The following PRORP variants were observed in gnomAD, a reference collection of about 807,000 sequenced individuals.
The protein encoded by PRORP is mitochondrial ribonuclease P catalytic subunit.
PRORP carries 51 observed loss-of-function variants against 59.4 expected under a neutral mutation model. That is an observed-to-expected ratio of 0.86 (90% confidence interval 0.69 to 1.08). The LOEUF (loss-of-function observed/expected upper bound fraction) is 1.08. PRORP is among the 50% of genes least tolerant of loss of function. The pLI, the probability that PRORP is intolerant of heterozygous loss-of-function variation, is 0.00. For missense variants in PRORP, 646 were observed against 690.3 expected, an observed-to-expected ratio of 0.94 and a Z score of 0.72; for synonymous variants, 231 against 245.6, an observed-to-expected ratio of 0.94 and a Z score of 0.55.
Position 35,259,545 on chromosome 14 carries a change from T to G in PRORP, c.1276-7182T>G, listed in dbSNP as rs536208535. Among the ~76,000 whole-genome samples the G allele has an allele frequency of 2.6e-5, 4 of 152,352 alleles. No homozygotes were observed. The East Asian group carries it at 7.7e-4, about 29-fold the overall frequency. The stretch of plus-strand genomic sequence containing the variant: ...CTTTTCCTCCCTTCCTATGGACTAT[T>G]GAACTTTTTTAGAATTCCGTTTTTA... On this transcript the variant is annotated intron_variant, in intron 5 of 7. Coordinates refer to ENST00000534898, the MANE Select transcript of PRORP (RefSeq NM_014672.4).
intron 4 of PRORP, among the ~76,000 whole-genome samples, chr14:35,144,979 G>A (rs2047569853): frequency 6.9e-6 from 1 of 145,080 alleles, no homozygotes; most frequent in Admixed American, 7.2e-5. Context: ...TTCTTTTTTA[G>A]TTCTTTTGTT....
chr14:35,244,332 A>G (rs2050432993), intron 5 of PRORP, among the ~76,000 whole-genome samples: 1 of 152,246 alleles, frequency 6.6e-6, no homozygotes, highest in South Asian at 2.1e-4. Context: ...GGTGTTACAT[A>G]CATAATATGA....
rs764247234 is a variant in PRORP at position 35,123,655 on chromosome 14, A to C, written c.410A>C (p.Lys137Thr). ...LKEDLKENTGKTSFESWIISQ... is the reference protein window; with the variant it reads ...LKEDLKENTGTTSFESWIISQ... ...GAAGATTTAAAAGAAAACACCGGAA[A>C]GACCAGTTTCGAAAGTTGGATCATT... Residue 137 changes from lysine to threonine, a missense_variant, in exon 2 of 8, where the codon AAG (lysine) becomes ACG (threonine). By Grantham distance (78) the Lys-to-Thr change is moderately conservative. Transcript: ENST00000534898. 6.2e-7 allele frequency: 1 copy of C among 1,614,230 alleles called. No homozygotes were observed. The highest frequency in any genetic ancestry group is 1.1e-5 in the South Asian group (1 of 91,092).
rs1661493738 is a variant in PRORP, at chr14:35,138,632, A to G, written c.1167+11021A>G. Among the ~76,000 whole-genome samples, 2 of 145,288 alleles carry G rather than the reference A, an allele frequency of 1.4e-5. 1 individual carries two copies. Among genetic ancestry groups the G allele is most frequent in the East Asian group, 4.6e-4 (2 of 4,336 alleles). On this transcript the variant is annotated intron_variant, in intron 4 of 7. Coordinates refer to ENST00000534898, the MANE Select transcript of PRORP (RefSeq NM_014672.4). ...ATAAACACCTAAAATGAGCATTATAAAAGTTATTTTAGGCTTATATGTTTT... is the reference window on the plus strand; with the variant it reads ...ATAAACACCTAAAATGAGCATTATAGAAGTTATTTTAGGCTTATATGTTTT...
At chr14:35,222,521 T>G (rs2049814614) in intron 5 of PRORP, 1 of 152,256 alleles carries the variant, frequency 6.6e-6, no homozygotes, top group Non-Finnish European at 1.5e-5. Context: ...CCAATTTCTA[T>G]AAATCATCTG....
At chr14:35,259,728 T>C (rs1317548591) in intron 5 of PRORP, among the ~76,000 whole-genome samples, 2 of 151,860 alleles carry the variant, frequency 1.3e-5, no homozygotes, top group Non-Finnish European at 2.9e-5. Flanking sequence ...CGGGCTTTAC[T>C]AAAAATACAA....
intron 4 of PRORP, among the ~76,000 whole-genome samples, chr14:35,173,440 C>A (rs1039708264): frequency 2.0e-5 from 3 of 152,148 alleles, no homozygotes; most frequent in Non-Finnish European, 4.4e-5. Flanking sequence ...TCACCTGTTG[C>A]TTTTTTGCTG....
intron 5 of PRORP, among the ~76,000 whole-genome samples, chr14:35,245,954 A>G (rs907384091): frequency 6.6e-6 from 1 of 152,126 alleles, no homozygotes; most frequent in Non-Finnish European, 1.5e-5. Flanking sequence ...ATGCCTTTAT[A>G]TTATTCTTAC....
intron 4 of PRORP, among the ~76,000 whole-genome samples, chr14:35,174,668 A>G (rs2048398949): frequency 6.6e-6 from 1 of 151,818 alleles, no homozygotes; most frequent in Non-Finnish European, 1.5e-5. Context: ...GTACTGGTAG[A>G]GTGGCATACC....
Position 35,259,990 on chromosome 14 carries a change from C to CG in PRORP, c.1276-6734dup, listed in dbSNP as rs915784796. Among the ~76,000 whole-genome samples, 5 of 103,484 alleles carry CG rather than the reference C, an allele frequency of 4.8e-5. No homozygotes were observed. In the Admixed American group the frequency reaches 5.7e-4, roughly 12 times the overall value. The allele number at this position is 103,484 out of a possible 152,430, so 67.9% of individuals were successfully genotyped here. A position where few individuals can be genotyped will look rare whatever the true frequency, so the allele number is the denominator to read the frequency against. ...CACTGCAGGTGTTTTGGAGGTTTTT[C>CG]GGGTTTTTTTTTTTTTTTTTTTTTT... On this transcript the variant is annotated intron_variant, in intron 5 of 7. Transcript: ENST00000534898.
At chr14:35,249,586 A>C (rs752342869) in intron 5 of PRORP, among the ~76,000 whole-genome samples, 52 of 152,270 alleles carry the variant, frequency 3.4e-4, no homozygotes, top group Non-Finnish European at 6.5e-4. Flanking sequence ...AGGACCAAAA[A>C]AAATGAAATT....
At chr14:35,243,413 G>C (rs1186807511) in intron 5 of PRORP, among the ~76,000 whole-genome samples, 1 of 152,042 alleles carries the variant, frequency 6.6e-6, no homozygotes, top group South Asian at 2.1e-4. Context: ...GTGCGCCCCA[G>C]TGGTCCCACC....
intron 7 of PRORP, among the ~76,000 whole-genome samples, chr14:35,273,003 G>A (rs1324745596): frequency 6.6e-6 from 1 of 152,160 alleles, no homozygotes; most frequent in African/African-American, 2.4e-5. Context: ...AAAAAAGTCT[G>A]TACATGTTCA....
intron 4 of PRORP, among the ~76,000 whole-genome samples, chr14:35,174,048 G>A (rs1443479978): frequency 6.6e-6 from 1 of 152,046 alleles, no homozygotes; most frequent in Non-Finnish European, 1.5e-5. Context: ...GATGAAAGCT[G>A]TATTATCTTT....
chr14:35,168,479 A>G (rs142902728), intron 4 of PRORP, among the ~76,000 whole-genome samples: 8 of 152,308 alleles, frequency 5.3e-5, no homozygotes, highest in African/African-American at 1.2e-4. Flanking sequence ...TGTCCCAATA[A>G]TGTCCATAAC....
At chr14:35,252,104 T>G (rs2050629993) in intron 5 of PRORP, among the ~76,000 whole-genome samples, 1 of 152,156 alleles carries the variant, frequency 6.6e-6, no homozygotes, top group Admixed American at 6.5e-5. Context: ...AGAAAGTGCA[T>G]TTTGGCCAAA....
At chr14:35,153,829 G>C (rs1046918221) in intron 4 of PRORP, among the ~76,000 whole-genome samples, 1 of 152,132 alleles carries the variant, frequency 6.6e-6, no homozygotes, top group African/African-American at 2.4e-5. Flanking sequence ...TATTATTTGT[G>C]TTCTTAGAGA....
intron 5 of PRORP, among the ~76,000 whole-genome samples, chr14:35,250,960 G>A (rs1009882606): frequency 4.6e-5 from 7 of 151,742 alleles, no homozygotes; most frequent in Admixed American, 2.0e-4. Flanking sequence ...TGAGATTTTG[G>A]TGCACCCATC....
rs2138868866 is a variant in PRORP at position 35,146,526 on chromosome 14, G to A, written c.1167+18915G>A. ...TCTCCAGAACCTTCTCTTTTCTCTG[G>A]GTTTGAAGATCTTGTCATCTCTAAA... On this transcript the variant is annotated intron_variant, in intron 4 of 7. Coordinates refer to ENST00000534898, the MANE Select transcript of PRORP (RefSeq NM_014672.4). Among the ~76,000 whole-genome samples the A allele has an allele frequency of 2.0e-5, 3 of 151,896 alleles. No homozygotes were observed. The South Asian group carries it at 6.2e-4, about 32-fold the overall frequency.
Sources: allele counts gnomAD v4.1 joint callset (sites outside exome capture counted in the v4.1 genomes callset), GRCh38; gene constraint gnomAD v4.1.1; transcripts MANE v1.5; gene names NCBI Gene and HGNC (gene_info 2026-07-23, HGNC 2026-07-21).